Variants in CDK6 observed in about 807,000 individuals in gnomAD.
CDK6 encodes the protein cyclin-dependent kinase 6.
CDK6 carries 6 observed loss-of-function variants against 37.1 expected under a neutral mutation model. The ratio of observed to expected loss-of-function variants is 0.16; its 90% CI spans 0.09 to 0.32. The LOEUF is 0.32. Ranked by LOEUF, CDK6 falls within the 10% of genes least tolerant of loss-of-function variation. The pLI, the probability that CDK6 is intolerant of heterozygous loss-of-function variation, is 1.00. For missense variants in CDK6, 224 were observed against 418.9 expected (o/e 0.53, Z 4.06); for synonymous variants, 160 against 161.3 (o/e 0.99, Z 0.06).
At position 92,799,677 on chromosome 7, in the gene CDK6, C is replaced by T. The variant is rs995914608; in HGVS notation, c.234-24846G>A. Reference sequence around the variant, plus strand: ...AACAAGTCACTTAGCTGGTGACAGCCTAGTCATGTGCTCAGTAACCACACT... The same window carrying T: ...AACAAGTCACTTAGCTGGTGACAGCTTAGTCATGTGCTCAGTAACCACACT... On this transcript the variant is annotated intron_variant, in intron 2 of 7. Coordinates refer to ENST00000424848, the MANE Select transcript of CDK6 (RefSeq NM_001145306.2). 4.6e-5 allele frequency among the ~76,000 whole-genome samples: 7 copies of T among 152,220 alleles called. 1 individual carries two copies. The highest frequency in any genetic ancestry group is 1.2e-4 in the African/African-American group (5 of 41,540).
At position 92,748,578 on chromosome 7, in the gene CDK6, T is replaced by C. The variant is rs981037037; in HGVS notation, c.370-22785A>G. Among the ~76,000 whole-genome samples the C allele has an allele frequency of 4.6e-5, 7 of 152,218 alleles. 1 individual carries two copies. The highest frequency in any genetic ancestry group is 4.6e-4 in the Admixed American group (7 of 15,284). Reference sequence around the variant, plus strand: ...TTTGACTTGCATATTTTAATCCTTGTTTTATGGATAAGAAAACTAGGGCTC... The same window carrying C: ...TTTGACTTGCATATTTTAATCCTTGCTTTATGGATAAGAAAACTAGGGCTC... On this transcript the variant is annotated intron_variant, in intron 3 of 7. Coordinates refer to ENST00000424848, the MANE Select transcript of CDK6 (RefSeq NM_001145306.2).
rs1801549388 is a variant in CDK6, at chr7:92,833,432, G to A, written c.-109C>T. 1 of 738,336 alleles carries A rather than the reference G, an allele frequency of 1.4e-6. No homozygotes were observed. The highest frequency in any genetic ancestry group is 2.1e-6 in the Non-Finnish European group (1 of 475,298). 45.7% of individuals were successfully genotyped at this position (738,336 alleles called of 1,614,324 possible). A position where few individuals can be genotyped will look rare whatever the true frequency, so the allele number is the denominator to read the frequency against. ...CCGGGGCTCCCCGGAGATCGGTCTA[G>A]CTTTACTTGCTCCCCGCCGGCTCAG... On this transcript the variant is annotated 5_prime_UTR_variant, in exon 2 of 8. Coordinates refer to ENST00000424848, the MANE Select transcript of CDK6 (RefSeq NM_001145306.2). The surrounding 1 kb of genome is among the most constrained non-coding windows in gnomAD (Gnocchi z 6.1).
intron 5 of CDK6, among the ~76,000 whole-genome samples, chr7:92,650,156 C>T (rs1779169927): frequency 6.6e-6 from 1 of 152,160 alleles, no homozygotes; most frequent in African/African-American, 2.4e-5. Flanking sequence ...TACAACAAGG[C>T]CACTTTGTTA....
intron 2 of CDK6, among the ~76,000 whole-genome samples, chr7:92,784,770 C>T (rs948651613): frequency 5.3e-5 from 8 of 151,958 alleles, no homozygotes; most frequent in African/African-American, 1.9e-4. Context: ...CTCAGTGGCA[C>T]CCACAGCCAT....
chr7:92,718,653 G>A (rs77682833), intron 4 of CDK6, among the ~76,000 whole-genome samples: 303 of 152,220 alleles, frequency 2.0e-3, no homozygotes, highest in African/African-American at 6.8e-3. Context: ...CCCACATCCA[G>A]GCGCGTTCAA....
chr7:92,742,862 G>C (rs1267564303), intron 3 of CDK6, among the ~76,000 whole-genome samples: 1 of 152,072 alleles, frequency 6.6e-6, no homozygotes, highest in Non-Finnish European at 1.5e-5. Context: ...AACATATTTA[G>C]AGTTCGCAGT....
At chr7:92,751,135 C>T (rs1015011616) in intron 3 of CDK6, among the ~76,000 whole-genome samples, 5 of 152,086 alleles carry the variant, frequency 3.3e-5, no homozygotes, top group Admixed American at 6.5e-5. Context: ...AGAGGAACAA[C>T]GTCATATAAA....
intron 5 of CDK6, among the ~76,000 whole-genome samples, chr7:92,640,265 G>A (rs1278618845): frequency 2.0e-5 from 3 of 152,178 alleles, no homozygotes; most frequent in Non-Finnish European, 4.4e-5. Context: ...CAAATGGAAG[G>A]GGGCCCTCAT....
intron 2 of CDK6, among the ~76,000 whole-genome samples, chr7:92,813,750 T>G (rs1158480879): frequency 1.3e-5 from 2 of 152,172 alleles, no homozygotes; most frequent in African/African-American, 4.8e-5. Flanking sequence ...ATTAGCTATT[T>G]TGGGGAGGGG....
intron 5 of CDK6, among the ~76,000 whole-genome samples, chr7:92,668,070 T>C (rs944961715): frequency 2.6e-5 from 4 of 152,228 alleles, no homozygotes; most frequent in African/African-American, 9.6e-5. Context: ...GCCTTATTCA[T>C]GATAAGCATT....
In CDK6 at chr7:92,744,026, TA is replaced by T. The variant is rs910762840; in HGVS notation, c.370-18234del. On this transcript the variant is annotated intron_variant, in intron 3 of 7. Transcript: ENST00000424848. Reference sequence around the variant, plus strand: ...TATTCTACATCTCTTATTCTGCAACTAAAAAAAAAATTTATTGTCTTTCCAA... The same window carrying T: ...TATTCTACATCTCTTATTCTGCAACTAAAAAAAAATTTATTGTCTTTCCAA... 2.3e-4 allele frequency among the ~76,000 whole-genome samples: 35 copies of T among 150,540 alleles called. No individual in the cohort carries two copies. The East Asian group carries it at 2.3e-3, about 10-fold the overall frequency.
chr7:92,762,462 G>C (rs1228176454), intron 3 of CDK6, among the ~76,000 whole-genome samples: 3 of 151,944 alleles, frequency 2.0e-5, no homozygotes, highest in African/African-American at 7.3e-5. Context: ...TCAGCTATGA[G>C]TAATGGTGAA....
intron 3 of CDK6, among the ~76,000 whole-genome samples, chr7:92,763,531 T>A (rs894274452): frequency 1.3e-5 from 2 of 152,254 alleles, no homozygotes; most frequent in Admixed American, 6.5e-5. Flanking sequence ...ATTCTCCTAT[T>A]CCTAAGCATC....
At chr7:92,634,008 G>A (rs1796114210) in intron 5 of CDK6, among the ~76,000 whole-genome samples, 1 of 151,942 alleles carries the variant, frequency 6.6e-6, no homozygotes, top group Admixed American at 6.6e-5. Flanking sequence ...TTTTAACTTG[G>A]CAGTGTTTTT....
At chr7:92,752,914 A>G (rs1261877793) in intron 3 of CDK6, among the ~76,000 whole-genome samples, 3 of 152,204 alleles carry the variant, frequency 2.0e-5, no homozygotes, top group Non-Finnish European at 4.4e-5. Context: ...CTTCAACTGA[A>G]GCCTGACATT....
At chr7:92,811,239 T>C (rs916196322) in intron 2 of CDK6, among the ~76,000 whole-genome samples, 2 of 152,128 alleles carry the variant, frequency 1.3e-5, no homozygotes, top group Admixed American at 1.3e-4. Flanking sequence ...TAAATAAGCA[T>C]TGTGAACGAG....
chr7:92,767,025 C>T (rs1034948065), intron 3 of CDK6, among the ~76,000 whole-genome samples: 16 of 152,268 alleles, frequency 1.1e-4, no homozygotes, highest in Admixed American at 3.3e-4. Flanking sequence ...ATAGCTCTGC[C>T]CCAGCTTCCT....
At chr7:92,662,142 G>C (rs1366190765) in intron 5 of CDK6, among the ~76,000 whole-genome samples, 8 of 152,182 alleles carry the variant, frequency 5.3e-5, no homozygotes, top group African/African-American at 1.9e-4. Context: ...CAAGAGCAAG[G>C]GTTGAGGGAG....
chr7:92,752,757 T>A lies in CDK6; in HGVS notation c.369+21939A>T, dbSNP rs1166398825. On this transcript the variant is annotated intron_variant, in intron 3 of 7. Transcript: ENST00000424848. ...TTCTGAATACCACAGGAGTTAGTAATGATTCGGTGCCTTCCCATGAAGTTC... is the reference window on the plus strand; with the variant it reads ...TTCTGAATACCACAGGAGTTAGTAAAGATTCGGTGCCTTCCCATGAAGTTC... Among the ~76,000 whole-genome samples, 3 of 152,220 alleles carry A rather than the reference T, an allele frequency of 2.0e-5. No individual in the cohort carries two copies. In the East Asian group the frequency reaches 5.8e-4, roughly 29 times the overall value.
Sources: allele counts gnomAD v4.1 joint callset (sites outside exome capture counted in the v4.1 genomes callset), GRCh38; gene constraint gnomAD v4.1.1; non-coding constraint Gnocchi (gnomAD v3.1); transcripts MANE v1.5; gene names NCBI Gene and HGNC (gene_info 2026-07-23, HGNC 2026-07-21).